The following NXPH1 variants were observed in gnomAD, a reference collection of about 807,000 sequenced individuals.
The protein encoded by NXPH1 is neurexophilin 1.
In NXPH1, 5 loss-of-function variants were observed where a neutral mutation model predicts 23.7. The ratio of observed to expected loss-of-function variants is 0.21; its 90% CI spans 0.11 to 0.44. The LOEUF is 0.44. Ranked by LOEUF, NXPH1 falls within the 20% of genes least tolerant of loss-of-function variation. The pLI is 0.99. For missense variants in NXPH1, 324 were observed against 321.6 expected, an observed-to-expected ratio of 1.01 and a Z score of -0.06; for synonymous variants, 144 against 122.2, an observed-to-expected ratio of 1.18 and a Z score of -1.18.
At chr7:8,514,605 G>A (rs1323307425) in intron 2 of NXPH1, among the ~76,000 whole-genome samples, 1 of 152,138 alleles carries the variant, frequency 6.6e-6, no homozygotes, top group Non-Finnish European at 1.5e-5. Flanking sequence ...GTGGACTTAT[G>A]AAAGTTATAG....
intron 2 of NXPH1, among the ~76,000 whole-genome samples, chr7:8,578,543 C>T (rs1818797148): frequency 6.6e-6 from 1 of 152,174 alleles, no homozygotes; most frequent in South Asian, 2.1e-4. Context: ...CAAGTACTTT[C>T]ATACAATAAC....
At chr7:8,566,582 C>G (rs1048327098) in intron 2 of NXPH1, among the ~76,000 whole-genome samples, 2 of 151,816 alleles carry the variant, frequency 1.3e-5, no homozygotes, top group African/African-American at 4.8e-5. Flanking sequence ...GGAGCTGGGA[C>G]ACTCTTCTCC....
At chr7:8,646,940 G>A (rs574625763) in intron 2 of NXPH1, among the ~76,000 whole-genome samples, 1 of 151,930 alleles carries the variant, frequency 6.6e-6, no homozygotes, top group East Asian at 1.9e-4. Context: ...GCTGGGAGGG[G>A]TACATGGAGA....
At chr7:8,634,966 T>C (rs1184142779) in intron 2 of NXPH1, among the ~76,000 whole-genome samples, 1 of 146,996 alleles carries the variant, frequency 6.8e-6, no homozygotes, top group Non-Finnish European at 1.5e-5. Flanking sequence ...ACTCTTTTGC[T>C]TCTCACCATT....
intron 2 of NXPH1, among the ~76,000 whole-genome samples, chr7:8,568,638 C>T (rs2128621730): frequency 8.6e-6 from 1 of 116,680 alleles, no homozygotes; most frequent in East Asian, 2.3e-4. Flanking sequence ...AGAAAGTTTT[C>T]ATTCTTAGCA....
intron 2 of NXPH1, among the ~76,000 whole-genome samples, chr7:8,506,037 G>A (rs2128613244): frequency 6.6e-6 from 1 of 152,116 alleles, no homozygotes; most frequent in South Asian, 2.1e-4. Context: ...GCATTCAAGA[G>A]TTTCACAGTT....
chr7:8,528,957 A>G (rs955141471), intron 2 of NXPH1, among the ~76,000 whole-genome samples: 1 of 152,256 alleles, frequency 6.6e-6, no homozygotes, highest in Non-Finnish European at 1.5e-5. Flanking sequence ...ACCAGACTCA[A>G]TCAAGGTATC....
chr7:8,653,113 T>C (rs1820517011), intron 2 of NXPH1, among the ~76,000 whole-genome samples: 1 of 152,210 alleles, frequency 6.6e-6, no homozygotes, highest in Non-Finnish European at 1.5e-5. Flanking sequence ...TTTCACATTC[T>C]CTGCTTTTTT....
At position 8,503,412 on chromosome 7, in the gene NXPH1, G is replaced by C. The variant is rs575522011; in HGVS notation, c.54+67645G>C. ...CTTCCTCACCGGTGATGCATGGTCAGTGTTATCTTGCATTATCCTGTGACT... is the reference window on the plus strand; with the variant it reads ...CTTCCTCACCGGTGATGCATGGTCACTGTTATCTTGCATTATCCTGTGACT... On this transcript the variant is annotated intron_variant, in intron 2 of 2. Transcript: ENST00000405863. 4.6e-5 allele frequency among the ~76,000 whole-genome samples: 7 copies of C among 152,068 alleles called. No individual in the cohort carries two copies. The South Asian group carries it at 1.5e-3, about 32-fold the overall frequency.
chr7:8,630,064 G>A (rs935500578), intron 2 of NXPH1, among the ~76,000 whole-genome samples: 1 of 151,964 alleles, frequency 6.6e-6, no homozygotes. Flanking sequence ...TAAGAAAAAA[G>A]CATACTATTA....
chr7:8,504,601 A>ATTT (rs1817491449), intron 2 of NXPH1, among the ~76,000 whole-genome samples: 1 of 152,092 alleles, frequency 6.6e-6, no homozygotes, highest in African/African-American at 2.4e-5. Flanking sequence ...AATGGAGAAC[A>ATTT]AGGCCTATCA....
intron 2 of NXPH1, among the ~76,000 whole-genome samples, chr7:8,502,697 C>A (rs1230673627): frequency 1.3e-5 from 2 of 151,486 alleles, no homozygotes; most frequent in Non-Finnish European, 1.5e-5. Flanking sequence ...AAATAGGTCT[C>A]CTGTACCCAG....
intron 2 of NXPH1, among the ~76,000 whole-genome samples, chr7:8,448,594 A>G (rs1584161186): frequency 6.6e-6 from 1 of 152,126 alleles, no homozygotes; most frequent in Non-Finnish European, 1.5e-5. Flanking sequence ...AGGCGGGCGG[A>G]TTGCTTGAGC....
chr7:8,578,425 GC>G (rs1426415082), intron 2 of NXPH1, among the ~76,000 whole-genome samples: 2 of 152,162 alleles, frequency 1.3e-5, no homozygotes. Flanking sequence ...TTCAACTATA[GC>G]CTCAGCAAAT....
intron 2 of NXPH1, among the ~76,000 whole-genome samples, chr7:8,521,940 T>A (rs1203242387): frequency 1.3e-5 from 2 of 151,856 alleles, no homozygotes; most frequent in African/African-American, 4.8e-5. Context: ...GACAATGAGA[T>A]GATGTTGTGA....
chr7:8,463,900 C>T (rs1255804103), intron 2 of NXPH1, among the ~76,000 whole-genome samples: 1 of 152,174 alleles, frequency 6.6e-6, no homozygotes, highest in African/African-American at 2.4e-5. Flanking sequence ...GGCATTATTT[C>T]TCCTACTCCA....
chr7:8,585,491 C>G (rs896579046), intron 2 of NXPH1, among the ~76,000 whole-genome samples: 1 of 152,146 alleles, frequency 6.6e-6, no homozygotes, highest in East Asian at 1.9e-4. Context: ...ACCAGGATTA[C>G]TGATGAAAGA....
chr7:8,493,357 C>T (rs1007226046), intron 2 of NXPH1, among the ~76,000 whole-genome samples: 22 of 151,974 alleles, frequency 1.4e-4, no homozygotes, highest in African/African-American at 5.3e-4. Context: ...GGTTCAAACT[C>T]AGTACTTCGC....
In NXPH1 at chr7:8,752,091, G is replaced by A. The variant is rs1780575268; in HGVS notation, c.*322G>A. 1 of 241,574 alleles carries A rather than the reference G, an allele frequency of 4.1e-6. No homozygotes were observed. The highest frequency in any genetic ancestry group is 8.2e-6 in the Non-Finnish European group (1 of 122,518). 15.0% of individuals were successfully genotyped at this position (241,574 alleles called of 1,614,324 possible). A position where few individuals can be genotyped will look rare whatever the true frequency, so the allele number is the denominator to read the frequency against. ...GATTCCTGTTGAGAGGGCTTTCATT[G>A]TCTGACTCATAATGGTTCAGGATCA... is the stretch of plus-strand genomic sequence containing the variant. On this transcript the variant is annotated 3_prime_UTR_variant, in exon 3 of 3. Transcript: ENST00000405863.
Sources: allele counts gnomAD v4.1 joint callset (sites outside exome capture counted in the v4.1 genomes callset), GRCh38; gene constraint gnomAD v4.1.1; transcripts MANE v1.5; gene names NCBI Gene and HGNC (gene_info 2026-07-23, HGNC 2026-07-21).